SEMA6D: variants seen among roughly 807,000 people sequenced by gnomAD.
SEMA6D encodes the protein semaphorin 6D.
SEMA6D carries 35 observed loss-of-function variants against 106.6 expected under a neutral mutation model. That is an observed-to-expected ratio of 0.33 (90% CI 0.25 to 0.44). The LOEUF is 0.44. SEMA6D is among the 20% of genes least tolerant of loss of function. SEMA6D has a pLI of 1.00. For synonymous variants in SEMA6D, 499 were observed against 487.7 expected (o/e 1.02, Z -0.31); for missense variants, 1,185 against 1,345.9 (o/e 0.88, Z 1.87).
At chr15:47,535,248 AAGT>A (rs2045121921) in intron 3 of SEMA6D, among the ~76,000 whole-genome samples, 6 of 152,178 alleles carry the variant, frequency 3.9e-5, no homozygotes. Context: ...GTGCTGCTCT[AAGT>A]GTTTACATGT....
intron 4 of SEMA6D, among the ~76,000 whole-genome samples, chr15:47,613,115 T>A (rs1353505280): frequency 6.6e-6 from 1 of 152,204 alleles, no homozygotes; most frequent in Non-Finnish European, 1.5e-5. Context: ...TACCTCTACA[T>A]AATTTGGAGC....
At chr15:47,489,841 A>G (rs1471043810) in intron 3 of SEMA6D, among the ~76,000 whole-genome samples, 1 of 151,900 alleles carries the variant, frequency 6.6e-6, no homozygotes, top group Non-Finnish European at 1.5e-5. Flanking sequence ...TAGTAGAGAT[A>G]GGGTTTCATC....
chr15:47,599,022 A>G (rs1378196860), intron 3 of SEMA6D, among the ~76,000 whole-genome samples: 2 of 152,086 alleles, frequency 1.3e-5, no homozygotes, highest in African/African-American at 2.4e-5. Context: ...GAGACCACCT[A>G]CCTAATCATA....
At chr15:47,214,624 G>C (rs1034913531) in intron 1 of SEMA6D, among the ~76,000 whole-genome samples, 9 of 152,130 alleles carry the variant, frequency 5.9e-5, no homozygotes, top group African/African-American at 2.2e-4. Context: ...GAAGAAAATT[G>C]TTATGCCACG....
intron 4 of SEMA6D, among the ~76,000 whole-genome samples, chr15:47,625,081 T>C (rs1381341350): frequency 7.0e-6 from 1 of 142,652 alleles, no homozygotes; most frequent in Non-Finnish European, 1.6e-5. Context: ...GATTTTTTAA[T>C]AAGAAAGCTG....
chr15:47,636,816 A>C (rs73392803), intron 4 of SEMA6D, among the ~76,000 whole-genome samples: 4,910 of 152,244 alleles, frequency 0.032, 269 homozygotes, highest in African/African-American at 0.11. Flanking sequence ...ACCCTACCCG[A>C]TGCATGTAAA....
At chr15:47,367,690 GCGCA>G (rs1230187602) in intron 1 of SEMA6D, among the ~76,000 whole-genome samples, 2 of 43,554 alleles carry the variant, frequency 4.6e-5, no homozygotes, top group African/African-American at 1.7e-4. Context: ...GCGCGCGCGC[GCGCA>G]CACACACACA....
intron 1 of SEMA6D, among the ~76,000 whole-genome samples, chr15:47,200,158 G>A (rs976249060): frequency 7.2e-5 from 11 of 152,134 alleles, no homozygotes; most frequent in African/African-American, 2.7e-4. Context: ...GTGTACTTAA[G>A]TTGCCCTGAA....
chr15:47,327,610 T>C (rs1012455355), intron 1 of SEMA6D, among the ~76,000 whole-genome samples: 6 of 152,154 alleles, frequency 3.9e-5, no homozygotes, highest in Non-Finnish European at 7.4e-5. Context: ...AAGTAGAAAA[T>C]ATAAAAACAA....
chr15:47,278,935 G>A (rs554441143), intron 1 of SEMA6D, among the ~76,000 whole-genome samples: 2,984 of 145,098 alleles, frequency 0.021, 111 homozygotes, highest in African/African-American at 0.073. Context: ...GATATGCGGC[G>A]TTATTTCTGA....
At chr15:47,274,696 C>T (rs2034716976) in intron 1 of SEMA6D, 1 of 152,202 alleles carries the variant, frequency 6.6e-6, no homozygotes, top group Admixed American at 6.6e-5. Flanking sequence ...TAGATGTTGC[C>T]TTCACTCTCT....
chr15:47,674,146 T>A (rs2078195360), intron 4 of SEMA6D, among the ~76,000 whole-genome samples: 1 of 152,176 alleles, frequency 6.6e-6, no homozygotes, highest in Admixed American at 6.5e-5. Flanking sequence ...CAGACCCCCT[T>A]GGGTCTGAGC....
intron 1 of SEMA6D, among the ~76,000 whole-genome samples, chr15:47,724,805 T>C (rs1484809554): frequency 6.6e-6 from 1 of 152,228 alleles, no homozygotes; most frequent in African/African-American, 2.4e-5. Context: ...GCCCTACAGC[T>C]TAAGCCATCA....
intron 1 of SEMA6D, among the ~76,000 whole-genome samples, chr15:47,252,107 C>T (rs1031226437): frequency 3.4e-5 from 5 of 145,162 alleles, no homozygotes; most frequent in African/African-American, 1.3e-4. Flanking sequence ...TTAGTAGAGA[C>T]GGGGTTTCAC....
chr15:47,262,283 G>T (rs1182623166), intron 1 of SEMA6D, among the ~76,000 whole-genome samples: 1 of 152,114 alleles, frequency 6.6e-6, no homozygotes, highest in African/African-American at 2.4e-5. Flanking sequence ...TAGGTTCAAT[G>T]TTATGCCTAT....
At chr15:47,279,707 A>G (rs1018086907) in intron 1 of SEMA6D, among the ~76,000 whole-genome samples, 2 of 152,098 alleles carry the variant, frequency 1.3e-5, no homozygotes, top group African/African-American at 4.8e-5. Flanking sequence ...TCCCATCAAT[A>G]CCTAATTTAT....
chr15:47,664,386 T>C (rs544596826), intron 4 of SEMA6D, among the ~76,000 whole-genome samples: 1 of 151,494 alleles, frequency 6.6e-6, no homozygotes, highest in South Asian at 2.1e-4. Context: ...GGAAACATTC[T>C]AGGTAATGAT....
chr15:47,364,154 G>A (rs138296661), intron 1 of SEMA6D, among the ~76,000 whole-genome samples: 3 of 152,306 alleles, frequency 2.0e-5, no homozygotes, highest in East Asian at 3.9e-4. Context: ...AGCTGAGCCA[G>A]GCAAGACAGT....
chr15:47,737,676 C>A (rs1245982262), intron 1 of SEMA6D, among the ~76,000 whole-genome samples: 1 of 152,034 alleles, frequency 6.6e-6, no homozygotes, highest in Non-Finnish European at 1.5e-5. Context: ...TTAACTGCTT[C>A]TCTGTGTTTA....
Sources: gnomAD v4.1 joint callset for allele counts (sites outside exome capture counted in the v4.1 genomes callset) on GRCh38, gnomAD v4.1.1 for gene constraint, MANE v1.5 for transcripts, NCBI Gene and HGNC (gene_info 2026-07-23, HGNC 2026-07-21) for gene names.